PGM2L1: variants seen among roughly 807,000 people sequenced by gnomAD.
The protein encoded by PGM2L1 is phosphoglucomutase 2 like 1.
A neutral mutation model predicts 73.4 loss-of-function variants in PGM2L1; 35 were observed. The ratio of observed to expected loss-of-function variants is 0.48; its 90% CI spans 0.36 to 0.63. PGM2L1 has a LOEUF of 0.63. Ranked by LOEUF, PGM2L1 falls within the 30% of genes least tolerant of loss-of-function variation. The probability of loss-of-function intolerance (pLI) is 0.00; values close to 1 mark genes in which losing one functional copy is unlikely to be tolerated. For missense variants in PGM2L1, 570 were observed against 742.0 expected (o/e 0.77, Z 2.69); for synonymous variants, 225 against 253.8 (o/e 0.89, Z 1.08).
At chr11:74,340,322 C>T (rs1862164409) in intron 12 of PGM2L1, among the ~76,000 whole-genome samples, 2 of 152,074 alleles carry the variant, frequency 1.3e-5, no homozygotes, top group African/African-American at 4.8e-5. Context: ...AGCATTATAC[C>T]ATAGGCTACT....
At chr11:74,385,539 C>A (rs1399247680) in intron 1 of PGM2L1, among the ~76,000 whole-genome samples, 1 of 152,102 alleles carries the variant, frequency 6.6e-6, no homozygotes, top group African/African-American at 2.4e-5. Flanking sequence ...GAAATGTTCT[C>A]ATACGGAAGT....
At position 74,330,910 on chromosome 11, in the gene PGM2L1, G is replaced by C. The variant is rs1331370619; in HGVS notation, c.*5742C>G. 6.6e-6 allele frequency: 1 copy of C among 152,158 alleles called. No homozygotes were observed. The highest frequency in any genetic ancestry group is 2.4e-5 in the African/African-American group (1 of 41,436). The allele number at this position is 152,158 out of a possible 1,614,324, so 9.4% of individuals were successfully genotyped here. A position where few individuals can be genotyped will look rare whatever the true frequency, so the allele number is the denominator to read the frequency against. On this transcript the variant is annotated 3_prime_UTR_variant, in exon 14 of 14. Transcript: ENST00000298198. ...AAACTGAGTATTTAAGGGGATGTCT[G>C]CTTAATAAACATTACATTATAAAGT... is the stretch of plus-strand genomic sequence containing the variant.
At chr11:74,371,020 C>G in intron 3 of PGM2L1, 34 bp from the exon 4 acceptor site, 1 of 1,561,186 alleles carries the variant, frequency 6.4e-7, no homozygotes, top group Non-Finnish European at 8.8e-7. Flanking sequence ...AGTCCTTTGC[C>G]TACCATACTT....
intron 1 of PGM2L1, among the ~76,000 whole-genome samples, chr11:74,389,884 A>T (rs1280821160): frequency 2.1e-5 from 3 of 141,822 alleles, no homozygotes; most frequent in Non-Finnish European, 4.6e-5. Flanking sequence ...CGGGCGGATC[A>T]CGAGGTCAGG....
At chr11:74,381,217 C>A (rs1862937967) in intron 1 of PGM2L1, among the ~76,000 whole-genome samples, 2 of 152,174 alleles carry the variant, frequency 1.3e-5, no homozygotes, top group African/African-American at 2.4e-5. Flanking sequence ...ATGTTCTACT[C>A]TTCTTCCTGG....
intron 5 of PGM2L1, chr11:74,354,728 A>T: frequency 9.3e-7 from 1 of 1,072,504 alleles, no homozygotes; most frequent in South Asian, 1.2e-5. Context: ...GAAAATTCTC[A>T]AACACCAGGT....
chr11:74,396,994 A>G (rs1863186480), intron 1 of PGM2L1, among the ~76,000 whole-genome samples: 1 of 152,242 alleles, frequency 6.6e-6, no homozygotes, highest in African/African-American at 2.4e-5. Context: ...GGGTCTAACA[A>G]GACCTAAAAC....
chr11:74,355,062 C>G (rs1009211586), intron 5 of PGM2L1: 4 of 1,305,148 alleles, frequency 3.1e-6, no homozygotes, highest in Non-Finnish European at 4.4e-6. Context: ...TGGTGGTGGT[C>G]GTGGAGGTGG....
intron 5 of PGM2L1, among the ~76,000 whole-genome samples, chr11:74,359,825 C>T (rs538331814): frequency 2.6e-4 from 40 of 152,198 alleles, no homozygotes; most frequent in Non-Finnish European, 5.1e-4. Context: ...TACTAGGGGA[C>T]AGAGATGGGA....
At position 74,336,746 on chromosome 11, in the gene PGM2L1, G is replaced by C. The variant is rs764164267; in HGVS notation, c.1775C>G (p.Ala592Gly). The change falls in exon 14 of 14, where the codon GCT (alanine) becomes GGT (glycine). Residue 592 changes from alanine to glycine, a missense_variant. By Grantham distance (60) the Ala-to-Gly change is moderately conservative. Transcript: ENST00000298198. ...TTTCTTCAGTTCTTCCTCCAGTAAA[G>C]CAGTGTCACTGAGGAAAAGATGAAG... ...MCASPDQSDT[A>G]LLEEELKKLI... 6.2e-7 allele frequency: 1 copy of C among 1,602,148 alleles called. No homozygotes were observed. Among genetic ancestry groups the C allele is most frequent in the South Asian group, 1.1e-5 (1 of 89,812 alleles).
intron 1 of PGM2L1, among the ~76,000 whole-genome samples, chr11:74,391,279 T>C (rs2134955575): frequency 6.6e-6 from 1 of 151,362 alleles, no homozygotes; most frequent in East Asian, 2.0e-4. Flanking sequence ...CAACACGCCA[T>C]CTTCACCATA....
rs564340340 is a variant in PGM2L1 at position 74,338,482 on chromosome 11, C to T, written c.1752G>A (p.Ala584=). The change falls in exon 13 of 14, where the codon GCG becomes GCA. Residue 584 remains alanine, a synonymous_variant. Coordinates refer to ENST00000298198, the MANE Select transcript of PGM2L1 (RefSeq NM_173582.6). ...TCAATTCTTACCTCTGGTCAGGTGA[C>T]GCACACATCTCTGCATAATACTTTA... The part of the protein sequence containing the change: ...PKIKYYAEMC[A]SPDQSDTALL... 5.1e-5 allele frequency: 80 copies of T among 1,577,692 alleles called. No individual in the cohort carries two copies. In the East Asian group the frequency reaches 7.7e-4, roughly 15 times the overall value.
chr11:74,337,364 G>A (rs1862113165), intron 13 of PGM2L1, among the ~76,000 whole-genome samples: 1 of 152,136 alleles, frequency 6.6e-6, no homozygotes, highest in South Asian at 2.1e-4. Context: ...ACCAGATGTA[G>A]CATTACCCAA....
intron 5 of PGM2L1, among the ~76,000 whole-genome samples, chr11:74,356,218 G>A (rs1204220256): frequency 6.6e-5 from 10 of 152,002 alleles, no homozygotes; most frequent in Admixed American, 5.9e-4. Flanking sequence ...CAGAAACCTC[G>A]GTGTAGCTGA....
In PGM2L1 at chr11:74,398,172, C is replaced by T; in HGVS notation, c.-11G>A. 1 of 1,605,464 alleles carries T rather than the reference C, an allele frequency of 6.2e-7. No homozygotes were observed. The highest frequency in any genetic ancestry group is 8.5e-7 in the Non-Finnish European group (1 of 1,175,262). ...TGTGTTTTCAGCCATGGCGACCAGA[C>T]AGGCGTACGGGCCGGGGGCCGGCGA... On this transcript the variant is annotated 5_prime_UTR_variant, in exon 1 of 14. Coordinates refer to ENST00000298198, the MANE Select transcript of PGM2L1 (RefSeq NM_173582.6).
At chr11:74,395,689 G>A (rs1319011717) in intron 1 of PGM2L1, among the ~76,000 whole-genome samples, 2 of 150,078 alleles carry the variant, frequency 1.3e-5, no homozygotes, top group African/African-American at 2.5e-5. Flanking sequence ...TTACAAGCGT[G>A]AGCCACCGTG....
chr11:74,361,113 C>T (rs1254842331), intron 5 of PGM2L1, among the ~76,000 whole-genome samples: 1 of 152,232 alleles, frequency 6.6e-6, no homozygotes, highest in African/African-American at 2.4e-5. Flanking sequence ...AAGTGGGTTC[C>T]TGACCCCCGA....
chr11:74,386,052 C>T (rs1863013343), intron 1 of PGM2L1, among the ~76,000 whole-genome samples: 2 of 152,016 alleles, frequency 1.3e-5, no homozygotes, highest in Non-Finnish European at 2.9e-5. Flanking sequence ...AAATACTATG[C>T]TGTCAATAAA....
At chr11:74,383,978 C>A (rs1371977331) in intron 1 of PGM2L1, among the ~76,000 whole-genome samples, 1 of 151,854 alleles carries the variant, frequency 6.6e-6, no homozygotes, top group South Asian at 2.1e-4. Context: ...CTTTGTAACC[C>A]CAAACTCTTA....
Sources: allele counts gnomAD v4.1 joint callset (sites outside exome capture counted in the v4.1 genomes callset), GRCh38; gene constraint gnomAD v4.1.1; transcripts MANE v1.5; gene names NCBI Gene and HGNC (gene_info 2026-07-23, HGNC 2026-07-21).